Variants in SCYL2 observed in about 807,000 individuals in gnomAD.
SCYL2 encodes the protein SCY1-like protein 2.
Under a neutral mutation model 100.4 loss-of-function variants are expected in SCYL2, and 36 were observed. The observed-to-expected ratio is 0.36, with a 90% CI of 0.27 to 0.47. The LOEUF (loss-of-function observed/expected upper bound fraction) is 0.47, where lower values mean the gene tolerates loss of function less well. Among genes scored for constraint, SCYL2 ranks in the 20% least tolerant of loss-of-function variants. The probability of loss-of-function intolerance (pLI) is 1.00; values close to 1 mark genes in which losing one functional copy is unlikely to be tolerated. For synonymous variants in SCYL2, 330 were observed against 359.2 expected (o/e 0.92, Z 0.92); for missense variants, 902 against 1,083.9 (o/e 0.83, Z 2.36).
chr12:100,329,093 C>T (rs1333866967), intron 12 of SCYL2, 108 bp from the exon 13 acceptor site: 2 of 587,294 alleles, frequency 3.4e-6, no homozygotes, highest in East Asian at 2.8e-5. Context: ...TTGGGAAAAA[C>T]TTGTACTACA....
chr12:100,278,611 T>C (rs2096294912), intron 1 of SCYL2, among the ~76,000 whole-genome samples: 4 of 151,512 alleles, frequency 2.6e-5, no homozygotes, highest in Non-Finnish European at 5.9e-5. Flanking sequence ...GTGTTGTTTC[T>C]GCCAAATTTG....
intron 2 of SCYL2, among the ~76,000 whole-genome samples, chr12:100,289,990 A>G (rs1042186275): frequency 6.6e-6 from 1 of 152,240 alleles, no homozygotes; most frequent in Non-Finnish European, 1.5e-5. Flanking sequence ...GTGTCAGCAG[A>G]AAACTCATCA....
chr12:100,303,768 T>G (rs541504159), intron 4 of SCYL2, among the ~76,000 whole-genome samples: 2 of 152,220 alleles, frequency 1.3e-5, no homozygotes, highest in Non-Finnish European at 2.9e-5. Context: ...AGTCTGTCCC[T>G]TAGCAGAGCT....
chr12:100,326,177 C>T (rs1331510959), intron 11 of SCYL2, among the ~76,000 whole-genome samples: 1 of 152,072 alleles, frequency 6.6e-6, no homozygotes, highest in Non-Finnish European at 1.5e-5. Context: ...GATACCTTCA[C>T]ATGTTAAAAT....
intron 4 of SCYL2, 33 bp downstream of exon 4, chr12:100,298,208 T>G: frequency 6.9e-7 from 1 of 1,443,550 alleles, no homozygotes; most frequent in Non-Finnish European, 9.3e-7. Flanking sequence ...TAAAAAAGAG[T>G]TGTTTCCTTT....
chr12:100,330,118 G>A (rs1353780929), intron 13 of SCYL2, among the ~76,000 whole-genome samples: 1 of 152,166 alleles, frequency 6.6e-6, no homozygotes, highest in Non-Finnish European at 1.5e-5. Flanking sequence ...GGCAGGAGGA[G>A]GAGATAATTG....
In SCYL2 at chr12:100,329,258, C is replaced by G; in HGVS notation, c.1700C>G (p.Ala567Gly). The G allele has an allele frequency of 6.2e-7, 1 of 1,609,412 alleles. No homozygotes were observed. The highest frequency in any genetic ancestry group is 8.5e-7 in the Non-Finnish European group (1 of 1,176,014). Reference sequence around the variant, plus strand: ...TTGGGAATCACCAAAGAGCAGCTGGCCGGAAAAGTGTTGCCTCATCTTATT... The same window carrying G: ...TTGGGAATCACCAAAGAGCAGCTGGGCGGAAAAGTGTTGCCTCATCTTATT... ...KKLGITKEQL[A>G]GKVLPHLIPL... is the part of the protein sequence containing the mutation. The change falls in exon 13 of 18, where the codon GCC (alanine) becomes GGC (glycine). Residue 567 changes from alanine (A) to glycine (G), a missense_variant. Physicochemically the swap from Ala to Gly is moderately conservative, Grantham distance 60. Transcript: ENST00000360820.
intron 1 of SCYL2, 127 bp from the exon 2 acceptor site, chr12:100,282,816 A>G (rs1454298640): frequency 9.5e-6 from 4 of 421,424 alleles, no homozygotes; most frequent in African/African-American, 2.0e-5. Context: ...CCAACATACA[A>G]CTTTCATCTA....
At chr12:100,325,123 A>C (rs777324748) in intron 11 of SCYL2, among the ~76,000 whole-genome samples, 21 of 152,182 alleles carry the variant, frequency 1.4e-4, no homozygotes, top group South Asian at 4.1e-4. Flanking sequence ...CTTGAGACCA[A>C]GAGGTCGAGG....
chr12:100,314,130 G>A (rs1159990190), intron 7 of SCYL2, among the ~76,000 whole-genome samples: 2 of 152,122 alleles, frequency 1.3e-5, no homozygotes, highest in East Asian at 1.9e-4. Context: ...TGCCTACCTC[G>A]GCCTCCCGAA....
chr12:100,314,446 C>G, intron 7 of SCYL2, 43 bp from the exon 8 acceptor site: 1 of 1,438,768 alleles, frequency 7.0e-7, no homozygotes, highest in Non-Finnish European at 9.6e-7. Context: ...GAAGTACTTT[C>G]AATTTAACAT....
chr12:100,268,901 G>A (rs1034039119), intron 1 of SCYL2, among the ~76,000 whole-genome samples: 6 of 152,150 alleles, frequency 3.9e-5, no homozygotes, highest in African/African-American at 7.2e-5. Context: ...ATGAAGTCCT[G>A]TTGATTTTGC....
intron 1 of SCYL2, among the ~76,000 whole-genome samples, chr12:100,274,692 T>C (rs1295604985): frequency 1.3e-5 from 2 of 152,222 alleles, no homozygotes; most frequent in African/African-American, 2.4e-5. Context: ...AGAAATACTT[T>C]GTTTTAGTCA....
At position 100,339,274 on chromosome 12, in the gene SCYL2, A is replaced by G; in HGVS notation, c.*102A>G. 8.9e-7 allele frequency: 1 copy of G among 1,126,070 alleles called. No homozygotes were observed. The highest frequency in any genetic ancestry group is 2.4e-5 in the East Asian group (1 of 41,848). 69.8% of individuals were successfully genotyped at this position (1,126,070 alleles called of 1,614,324 possible). On this transcript the variant is annotated 3_prime_UTR_variant, in exon 18 of 18. Transcript: ENST00000360820. ...CTTGGAGGAAGTACTTCTATGGGAA[A>G]GTGAACAGTTCTGTGACAGGAAACA...
Position 100,267,194 on chromosome 12 carries a change from CT to C in SCYL2, c.-625del. ...GGTCTTTTAGTCTTTTTCCCCCTCC[CT>C]TACTCTTCGTCCCCGGTCCCTCCCC... On this transcript the variant is annotated 5_prime_UTR_variant, in exon 1 of 18. Transcript: ENST00000360820. 1 of 1,131,912 alleles carries C rather than the reference CT, an allele frequency of 8.8e-7. No individual in the cohort carries two copies. Among genetic ancestry groups the C allele is most frequent in the Non-Finnish European group, 1.2e-6 (1 of 804,472 alleles). 70.1% of individuals were successfully genotyped at this position (1,131,912 alleles called of 1,614,324 possible).
rs1465199864 is a variant in SCYL2, at chr12:100,294,917, C to T, written c.336-3114C>T. On this transcript the variant is annotated intron_variant, in intron 3 of 17. Coordinates refer to ENST00000360820, the MANE Select transcript of SCYL2 (RefSeq NM_017988.6). ...CTTCTCAGACGGGGCGGCTGCTGGG[C>T]GGAGGGGCTCCTCACTTCTCAGACG... Among the ~76,000 whole-genome samples, 25 of 151,024 alleles carry T rather than the reference C, an allele frequency of 1.7e-4. No homozygotes were observed. In the South Asian group the frequency reaches 2.1e-3, roughly 13 times the overall value.
intron 11 of SCYL2, among the ~76,000 whole-genome samples, chr12:100,325,853 G>T (rs988584522): frequency 2.0e-5 from 3 of 151,912 alleles, no homozygotes; most frequent in African/African-American, 4.8e-5. Context: ...AATATCTCTT[G>T]TGTTTTAATT....
intron 1 of SCYL2, among the ~76,000 whole-genome samples, chr12:100,281,759 G>A (rs191121406): frequency 0.017 from 2,546 of 151,656 alleles, 71 homozygotes; most frequent in African/African-American, 0.058. Flanking sequence ...GCGTGAACCC[G>A]GGAGGCGGAG....
intron 6 of SCYL2, among the ~76,000 whole-genome samples, chr12:100,312,856 G>A (rs1008526027): frequency 6.6e-6 from 1 of 152,098 alleles, no homozygotes; most frequent in African/African-American, 2.4e-5. Flanking sequence ...TCTGGCTCAC[G>A]CCTGTAATCC....
Sources: gnomAD v4.1 joint callset for allele counts (sites outside exome capture counted in the v4.1 genomes callset) on GRCh38, gnomAD v4.1.1 for gene constraint, MANE v1.5 for transcripts, NCBI Gene and HGNC (gene_info 2026-07-23, HGNC 2026-07-21) for gene names.